The following EPM2A variants were observed in gnomAD, a reference collection of about 807,000 sequenced individuals.
EPM2A encodes the protein laforin.
A neutral mutation model predicts 26.5 loss-of-function variants in EPM2A; 21 were observed. That is an observed-to-expected ratio of 0.79 (90% CI 0.56 to 1.14). The LOEUF is 1.14. EPM2A is among the 50% of genes most tolerant of loss of function. The probability of loss-of-function intolerance (pLI) is 0.00; values close to 1 mark genes in which losing one functional copy is unlikely to be tolerated. For missense variants in EPM2A, 458 were observed against 440.8 expected, an observed-to-expected ratio of 1.04 and a Z score of -0.35; for synonymous variants, 217 against 177.6, an observed-to-expected ratio of 1.22 and a Z score of -1.76.
At chr6:145,689,282 A>G (rs1243171841) in intron 1 of EPM2A, among the ~76,000 whole-genome samples, 1 of 152,216 alleles carries the variant, frequency 6.6e-6, no homozygotes, top group African/African-American at 2.4e-5. Context: ...AATTTCACCT[A>G]ATGAAATGGC....
intron 1 of EPM2A, among the ~76,000 whole-genome samples, chr6:145,695,057 A>G (rs1781494360): frequency 6.6e-6 from 1 of 152,054 alleles, no homozygotes; most frequent in Admixed American, 6.6e-5. Context: ...TATCTCTAAC[A>G]TGAGAGTTAA....
intron 4 of EPM2A, among the ~76,000 whole-genome samples, chr6:145,401,574 A>C (rs1256742219): frequency 6.6e-6 from 1 of 152,172 alleles, no homozygotes; most frequent in African/African-American, 2.4e-5. Context: ...AGGCTTAATG[A>C]AATTTAAGAT....
chr6:145,599,149 T>C (rs1031323505), intron 2 of EPM2A, among the ~76,000 whole-genome samples: 4 of 152,190 alleles, frequency 2.6e-5, no homozygotes, highest in African/African-American at 7.2e-5. Context: ...GTGAAGTACG[T>C]CATTGGTAGT....
chr6:145,556,863 T>A (rs1356486704), intron 2 of EPM2A, among the ~76,000 whole-genome samples: 1 of 152,134 alleles, frequency 6.6e-6, no homozygotes, highest in African/African-American at 2.4e-5. Flanking sequence ...AGTGTGTTTG[T>A]AGTTTTATTT....
At chr6:145,615,395 C>T (rs986718358) in intron 2 of EPM2A, among the ~76,000 whole-genome samples, 3 of 152,076 alleles carry the variant, frequency 2.0e-5, no homozygotes, top group African/African-American at 7.2e-5. Flanking sequence ...ACTGTAAGTC[C>T]ATTAAAACCC....
chr6:145,447,410 C>T lies in EPM2A; in HGVS notation c.555+55112G>A, dbSNP rs998518342. Among the ~76,000 whole-genome samples, 18 of 151,976 alleles carry T rather than the reference C, an allele frequency of 1.2e-4. 1 individual carries two copies. The highest frequency in any genetic ancestry group is 3.6e-4 in the African/African-American group (15 of 41,418). On this transcript the variant is annotated intron_variant, in intron 4 of 4. Coordinates refer to the EPM2A transcript ENST00000638717. ...CCCTTCCCTATTTATCCTTGCTACC[C>T]TAGATTTGGAGTTTCATTATCTCTC...
intron 1 of EPM2A, among the ~76,000 whole-genome samples, chr6:145,727,997 T>G (rs2128643477): frequency 6.6e-6 from 1 of 152,236 alleles, no homozygotes; most frequent in South Asian, 2.1e-4. Flanking sequence ...TGTTTAAAAG[T>G]GTGTAGCACT....
chr6:145,634,245 AGTT>A (rs1776480736), intron 3 of EPM2A, among the ~76,000 whole-genome samples: 1 of 152,064 alleles, frequency 6.6e-6, no homozygotes, highest in Non-Finnish European at 1.5e-5. Context: ...TGCCGACTGT[AGTT>A]ATCTCTACTC....
rs186113959 is a variant in EPM2A at position 145,599,934 on chromosome 6, T to C, written c.340+35311A>G. 4.3e-3 allele frequency among the ~76,000 whole-genome samples: 653 copies of C among 152,250 alleles called. 5 individuals carry two copies. Among genetic ancestry groups the C allele is most frequent in the African/African-American group, 0.014 (564 of 41,588 alleles). On this transcript the variant is annotated intron_variant, in intron 2 of 3. Coordinates refer to the EPM2A transcript ENST00000450221. ...TTCATAAATTACAAGTATATTTCTT[T>C]GGCAGATTAATTTCTGGGCAAATAA...
chr6:145,596,796 T>C (rs1351207392), intron 2 of EPM2A, among the ~76,000 whole-genome samples: 2 of 151,916 alleles, frequency 1.3e-5, no homozygotes, highest in Non-Finnish European at 2.9e-5. Context: ...TGGACTAGAT[T>C]CTCTCTAAGC....
chr6:145,681,674 C>T (rs1583043714), intron 2 of EPM2A, among the ~76,000 whole-genome samples: 1 of 151,700 alleles, frequency 6.6e-6, no homozygotes, highest in East Asian at 1.9e-4. Context: ...GCTTGTTTTT[C>T]TCAGGTTTGT....
chr6:145,706,320 G>C (rs1392379703), intron 1 of EPM2A, among the ~76,000 whole-genome samples: 1 of 152,116 alleles, frequency 6.6e-6, no homozygotes, highest in Non-Finnish European at 1.5e-5. Flanking sequence ...CAACACATTA[G>C]GTTACCTAAT....
At chr6:145,397,672 G>A (rs1778424129) in intron 4 of EPM2A, among the ~76,000 whole-genome samples, 1 of 152,042 alleles carries the variant, frequency 6.6e-6, no homozygotes, top group South Asian at 2.1e-4. Flanking sequence ...ACATATACTG[G>A]AAAATACATC....
At chr6:145,506,020 T>C (rs934596358) in intron 2 of EPM2A, among the ~76,000 whole-genome samples, 1 of 152,324 alleles carries the variant, frequency 6.6e-6, no homozygotes, top group Admixed American at 6.5e-5. Context: ...CTAGGAGCTG[T>C]CTAGCTTTGA....
chr6:145,674,607 G>A (rs764176888), intron 2 of EPM2A, among the ~76,000 whole-genome samples: 7 of 152,096 alleles, frequency 4.6e-5, no homozygotes, highest in Non-Finnish European at 7.3e-5. Context: ...ACCTGACGGA[G>A]CTGAAAACCA....
chr6:145,507,348 C>A (rs570582767), intron 2 of EPM2A, among the ~76,000 whole-genome samples: 1 of 152,244 alleles, frequency 6.6e-6, no homozygotes, highest in African/African-American at 2.4e-5. Context: ...CAAAGGACAC[C>A]TCATATTCTG....
chr6:145,545,827 G>T (rs1431717547), intron 2 of EPM2A, among the ~76,000 whole-genome samples: 1 of 152,066 alleles, frequency 6.6e-6, no homozygotes, highest in African/African-American at 2.4e-5. Flanking sequence ...TAAGCTATTT[G>T]CTTATGACAT....
chr6:145,506,445 C>T (rs1183340624), intron 2 of EPM2A, among the ~76,000 whole-genome samples: 1 of 151,126 alleles, frequency 6.6e-6, no homozygotes, highest in Non-Finnish European at 1.5e-5. Flanking sequence ...AAAGTAAAAA[C>T]AAAAATAAAA....
chr6:145,441,849 GA>G (rs1779066851), intron 4 of EPM2A, among the ~76,000 whole-genome samples: 2 of 152,182 alleles, frequency 1.3e-5, no homozygotes. Context: ...GAGACAGAAT[GA>G]GACTCCATCT....
Sources: gnomAD v4.1 joint callset for allele counts (sites outside exome capture counted in the v4.1 genomes callset) on GRCh38, gnomAD v4.1.1 for gene constraint, MANE v1.5 for transcripts, NCBI Gene and HGNC (gene_info 2026-07-23, HGNC 2026-07-21) for gene names.